TBC1D16: variants seen among roughly 807,000 people sequenced by gnomAD.
TBC1D16 encodes TBC1 domain family member 16, also known as CTD-2529O21.1.
A neutral mutation model predicts 74.7 loss-of-function variants in TBC1D16; 58 were observed. The observed-to-expected ratio is 0.78, with a 90% CI of 0.63 to 0.97. TBC1D16 has a LOEUF of 0.97. Among genes scored for constraint, TBC1D16 ranks in the 50% least tolerant of loss-of-function variants. The pLI, the probability that TBC1D16 is intolerant of heterozygous loss-of-function variation, is 0.00. For synonymous variants in TBC1D16, 493 were observed against 474.7 expected, an observed-to-expected ratio of 1.04 and a Z score of -0.50; for missense variants, 1,014 against 1,079.5, an observed-to-expected ratio of 0.94 and a Z score of 0.85.
chr17:79,976,740 G>A (rs112835826), intron 3 of TBC1D16, among the ~76,000 whole-genome samples: 36 of 152,188 alleles, frequency 2.4e-4, no homozygotes, highest in African/African-American at 8.2e-4. Context: ...CCCCGAGGCA[G>A]GAGCCAAAGG....
rs62074525 is a variant in TBC1D16 at position 80,018,234 on chromosome 17, A to G, written c.-62-4625T>C. On this transcript the variant is annotated intron_variant, in intron 1 of 11. Coordinates refer to ENST00000310924, the MANE Select transcript of TBC1D16 (RefSeq NM_019020.4). ...AATAATTTTTAGCATAATATATCCAAAATATTATTATTTCAGCATATAGTC... is the reference window on the plus strand; with the variant it reads ...AATAATTTTTAGCATAATATATCCAGAATATTATTATTTCAGCATATAGTC... 8.3e-3 allele frequency among the ~76,000 whole-genome samples: 1,253 copies of G among 150,310 alleles called. 27 individuals are homozygous for G. Among genetic ancestry groups the G allele is most frequent in the Non-Finnish European group, 9.9e-3 (675 of 67,974 alleles).
chr17:79,942,044 T>C lies in TBC1D16; in HGVS notation c.2055+16A>G. ...GGGGCGGGGCGGGGTGGGGCCCACA[T>C]CTGGGGCAGCCTCACCTTCCGGAGA... On this transcript the variant is annotated intron_variant, in intron 11 of 11. Coordinates refer to ENST00000310924, the MANE Select transcript of TBC1D16 (RefSeq NM_019020.4). 6.2e-7 allele frequency: 1 copy of C among 1,603,106 alleles called. No homozygotes were observed. Among genetic ancestry groups the C allele is most frequent in the Non-Finnish European group, 8.5e-7 (1 of 1,176,882 alleles).
rs922353886 is a variant in TBC1D16, at chr17:79,956,819, C to T, written c.780-4001G>A. Among the ~76,000 whole-genome samples the T allele has an allele frequency of 1.3e-5, 2 of 152,168 alleles. No homozygotes were observed. The highest frequency in any genetic ancestry group is 4.8e-5 in the African/African-American group (2 of 41,436). On this transcript the variant is annotated intron_variant, in intron 3 of 11. Coordinates refer to ENST00000310924, the MANE Select transcript of TBC1D16 (RefSeq NM_019020.4). The surrounding 1 kb of genome is among the most constrained non-coding windows in gnomAD (Gnocchi z 4.0). ...AGTCGATGAGAACCCAGCTGTAGGT[C>T]CCAAGCACAGTGTCCTGAATTAATG...
At position 80,001,768 on chromosome 17, in the gene TBC1D16, G is replaced by A. The variant is rs1244911077; in HGVS notation, c.779+8392C>T. Among the ~76,000 whole-genome samples the A allele has an allele frequency of 4.0e-5, 6 of 151,448 alleles. No homozygotes were observed. Among genetic ancestry groups the A allele is most frequent in the Non-Finnish European group, 8.8e-5 (6 of 67,840 alleles). ...CTGGAGTGGCCCCTAAGACACGCAC[G>A]GCCCACCCTCCCCACTCACCCCTTG... On this transcript the variant is annotated intron_variant, in intron 3 of 11. Coordinates refer to ENST00000310924, the MANE Select transcript of TBC1D16 (RefSeq NM_019020.4). The surrounding 1 kb of genome is among the most constrained non-coding windows in gnomAD (Gnocchi z 5.8).
At position 80,025,099 on chromosome 17, in the gene TBC1D16, C is replaced by T. The variant is rs1598444962; in HGVS notation, c.-63+10696G>A. On this transcript the variant is annotated intron_variant, in intron 1 of 11. Transcript: ENST00000310924. ...CACACATACCATGACACACACACAC[C>T]ATATACACACAAACACCACAGACAC... Among the ~76,000 whole-genome samples the T allele has an allele frequency of 1.1e-4, 9 of 79,890 alleles. 1 individual carries two copies. The highest frequency in any genetic ancestry group is 2.2e-4 in the Admixed American group (2 of 9,034). 52.4% of individuals were successfully genotyped at this position (79,890 alleles called of 152,430 possible).
intron 8 of TBC1D16, 105 bp downstream of exon 8, chr17:79,948,767 G>A: frequency 7.0e-7 from 1 of 1,430,088 alleles, no homozygotes. Flanking sequence ...GAACCTGGAA[G>A]AGAGCCCCTG....
At chr17:80,012,548 AAAGTGCCCAG>A (rs2035933696) in intron 2 of TBC1D16, among the ~76,000 whole-genome samples, 1 of 152,130 alleles carries the variant, frequency 6.6e-6, no homozygotes. Context: ...TAATCTGCAT[AAAGTGCCCAG>A]ATCTCACTGT....
chr17:80,002,006 A>C (rs1235588037), intron 3 of TBC1D16, among the ~76,000 whole-genome samples: 3 of 152,168 alleles, frequency 2.0e-5, no homozygotes, highest in Non-Finnish European at 4.4e-5. Context: ...GCCCACCTCC[A>C]GGAGTTTCTA....
chr17:79,997,989 G>C (rs547840882), intron 3 of TBC1D16, among the ~76,000 whole-genome samples: 4 of 152,112 alleles, frequency 2.6e-5, no homozygotes, highest in Admixed American at 1.3e-4. Flanking sequence ...GCTGGGTGTG[G>C]TGGCGGGAGC....
At position 79,981,734 on chromosome 17, in the gene TBC1D16, C is replaced by G. The variant is rs2034591275; in HGVS notation, c.779+28426G>C. On this transcript the variant is annotated intron_variant, in intron 3 of 11. Coordinates refer to ENST00000310924, the MANE Select transcript of TBC1D16 (RefSeq NM_019020.4). This position sits in a 1 kb window ranked among gnomAD's most constrained non-coding sequence, Gnocchi z 6.9. ...GCCACCCTCGGAGCGGCTCCCTCGG[C>G]TCTTCTGTAATCTCAGCAAGAACGT... 6.6e-6 allele frequency among the ~76,000 whole-genome samples: 1 copy of G among 152,246 alleles called. No homozygotes were observed.
chr17:79,967,263 A>G (rs1014284688), intron 3 of TBC1D16, among the ~76,000 whole-genome samples: 58 of 152,276 alleles, frequency 3.8e-4, no homozygotes, highest in African/African-American at 1.3e-3. Flanking sequence ...TTAAAAATAA[A>G]ATCTTTAAAA....
intron 9 of TBC1D16, among the ~76,000 whole-genome samples, chr17:79,947,421 A>T (rs543107486): frequency 6.6e-6 from 1 of 152,254 alleles, no homozygotes; most frequent in African/African-American, 2.4e-5. Context: ...AGAGCGGCCC[A>T]CACAACGCGG....
intron 9 of TBC1D16, among the ~76,000 whole-genome samples, chr17:79,947,371 G>T (rs2032631186): frequency 6.6e-6 from 1 of 152,242 alleles, no homozygotes; most frequent in Non-Finnish European, 1.5e-5. Flanking sequence ...CAGCCAGGGA[G>T]CTTGGGCCAG....
At chr17:80,016,029 AAG>A (rs1156599656) in intron 1 of TBC1D16, among the ~76,000 whole-genome samples, 2 of 141,286 alleles carry the variant, frequency 1.4e-5, no homozygotes, top group African/African-American at 5.3e-5. Context: ...AAAAAAAAAA[AAG>A]AATTAGTAAC....
intron 5 of TBC1D16, 120 bp downstream of exon 5, chr17:79,951,330 C>T (rs372089281): frequency 1.6e-6 from 2 of 1,266,510 alleles, no homozygotes; most frequent in East Asian, 4.8e-5. Flanking sequence ...TACCGTGGGT[C>T]ACACCCCGTA....
At position 79,990,268 on chromosome 17, in the gene TBC1D16, G is replaced by A. The variant is rs77457245; in HGVS notation, c.779+19892C>T. Among the ~76,000 whole-genome samples, 1,392 of 152,314 alleles carry A rather than the reference G, an allele frequency of 9.1e-3. 13 individuals are homozygous for A. The highest frequency in any genetic ancestry group is 0.032 in the African/African-American group (1,330 of 41,564). ...CAAGGCGTGTGCGGTGACGGGTCTC[G>A]GGCGCCCAGCCAGCGAGGGGCCGGC... On this transcript the variant is annotated intron_variant, in intron 3 of 11. Coordinates refer to ENST00000310924, the MANE Select transcript of TBC1D16 (RefSeq NM_019020.4). This position sits in a 1 kb window ranked among gnomAD's most constrained non-coding sequence, Gnocchi z 4.8.
rs943917688 is a variant in TBC1D16, at chr17:80,019,911, C to T, written c.-62-6302G>A. The stretch of plus-strand genomic sequence containing the variant: ...CAAACTTTAGGGTTGAAGTACATCC[C>T]CTAAAATTCCTGTGTTGAAGTCTTA... On this transcript the variant is annotated intron_variant, in intron 1 of 11. Coordinates refer to ENST00000310924, the MANE Select transcript of TBC1D16 (RefSeq NM_019020.4). 4.7e-5 allele frequency among the ~76,000 whole-genome samples: 7 copies of T among 149,824 alleles called. 2 individuals are homozygous for T. The highest frequency in any genetic ancestry group is 1.8e-4 in the African/African-American group (7 of 39,268).
Position 79,950,767 on chromosome 17 carries a change from A to G in TBC1D16, c.1090-189T>C. The G allele has an allele frequency of 6.5e-7, 1 of 1,536,286 alleles. No homozygotes were observed. The highest frequency in any genetic ancestry group is 1.7e-4 in the Middle Eastern group (1 of 5,990). On this transcript the variant is annotated intron_variant, in intron 5 of 11. Coordinates refer to ENST00000310924, the MANE Select transcript of TBC1D16 (RefSeq NM_019020.4). This position sits in a 1 kb window ranked among gnomAD's most constrained non-coding sequence, Gnocchi z 4.6. ...TAAAATGAAAATACCTTCATCTTAA[A>G]ATCGGTTTCCCTCTGCGGCTCTCTC...
In TBC1D16 at chr17:79,940,286, T is replaced by G. The variant is rs937830460; in HGVS notation, c.*573A>C. 1.3e-5 allele frequency: 2 copies of G among 152,276 alleles called. No individual in the cohort carries two copies. The highest frequency in any genetic ancestry group is 2.9e-5 in the Non-Finnish European group (2 of 68,058). The allele number at this position is 152,276 out of a possible 1,614,324, so 9.4% of individuals were successfully genotyped here. A position where few individuals can be genotyped will look rare whatever the true frequency, so the allele number is the denominator to read the frequency against. ...GGTTGGGCTTTTTATCTTTTGCTTT[T>G]CTTTTATGGCAGATGCCTTTCCATC... On this transcript the variant is annotated 3_prime_UTR_variant, in exon 12 of 12. Transcript: ENST00000310924. The surrounding 1 kb of genome is among the most constrained non-coding windows in gnomAD (Gnocchi z 5.4).
Sources: allele counts gnomAD v4.1 joint callset (sites outside exome capture counted in the v4.1 genomes callset), GRCh38; gene constraint gnomAD v4.1.1; non-coding constraint Gnocchi (gnomAD v3.1); transcripts MANE v1.5; gene names NCBI Gene and HGNC (gene_info 2026-07-23, HGNC 2026-07-21).